AGT: variants seen among roughly 807,000 people sequenced by gnomAD.
AGT encodes the protein alpha-1 antiproteinase, antitrypsin.
AGT carries 26 observed loss-of-function variants against 28.1 expected under a neutral mutation model. The observed-to-expected ratio is 0.92, with a 90% CI of 0.68 to 1.28. AGT has a LOEUF of 1.28. Ranked by LOEUF, AGT falls within the 50% of genes most tolerant of loss-of-function variation. The pLI, the probability that AGT is intolerant of heterozygous loss-of-function variation, is 0.00. For synonymous variants in AGT, 259 were observed against 259.6 expected, an observed-to-expected ratio of 1.00 and a Z score of 0.02; for missense variants, 596 against 592.3, an observed-to-expected ratio of 1.01 and a Z score of -0.06.
chr1:230,732,203 ATT>A (rs1664082195), intron 1 of AGT, among the ~76,000 whole-genome samples: 2 of 152,228 alleles, frequency 1.3e-5, no homozygotes, highest in South Asian at 2.1e-4. Flanking sequence ...GTTTTGCTAT[ATT>A]GCTCAGGCTG....
chr1:230,717,388 C>G (rs1031545456), upstream of AGT, among the ~76,000 whole-genome samples: 3 of 152,112 alleles, frequency 2.0e-5, no homozygotes, highest in Non-Finnish European at 4.4e-5. Flanking sequence ...AACACATAAA[C>G]TCCTCTCTCC....
At chr1:230,717,247 C>T (rs1173745026), upstream of AGT, among the ~76,000 whole-genome samples, 1 of 151,870 alleles carries the variant, frequency 6.6e-6, no homozygotes, top group Non-Finnish European at 1.5e-5. Context: ...ACAGTCTGAT[C>T]TCTCTTTCTT....
At chr1:230,729,146 C>T (rs1405003448) in intron 1 of AGT, among the ~76,000 whole-genome samples, 3 of 152,184 alleles carry the variant, frequency 2.0e-5, no homozygotes, top group Non-Finnish European at 4.4e-5. Flanking sequence ...GCAGTTTCTC[C>T]ACCATCTGCC....
intron 1 of AGT, among the ~76,000 whole-genome samples, chr1:230,721,817 T>C (rs1663848301): frequency 1.3e-5 from 2 of 152,170 alleles, no homozygotes; most frequent in Admixed American, 1.3e-4. Flanking sequence ...TAGGAACTTA[T>C]GTTTAAAAAG....
chr1:230,704,947 T>C (rs1237253059), intron 3 of AGT, among the ~76,000 whole-genome samples: 1 of 152,234 alleles, frequency 6.6e-6, no homozygotes, highest in Non-Finnish European at 1.5e-5. Flanking sequence ...GCAACCCACG[T>C]GTCCATCGAT....
chr1:230,725,529 T>G (rs1193424052), intron 1 of AGT, among the ~76,000 whole-genome samples: 1 of 152,122 alleles, frequency 6.6e-6, no homozygotes, highest in East Asian at 1.9e-4. Flanking sequence ...TGCTCACCAT[T>G]TAATAAGTTT....
At position 230,742,442 on chromosome 1, in the gene AGT, A is replaced by G. The variant is rs189128284; in HGVS notation, c.-31+3073T>C. ...GCAATTCTCCTACCTCTGCCTCCCAAGTAGCTGGGATTACAGGTGCCCACC... is the reference window on the plus strand; with the variant it reads ...GCAATTCTCCTACCTCTGCCTCCCAGGTAGCTGGGATTACAGGTGCCCACC... On this transcript the variant is annotated intron_variant, in intron 1 of 4. Coordinates refer to the AGT transcript ENST00000681269. Among the ~76,000 whole-genome samples, 34 of 152,252 alleles carry G rather than the reference A, an allele frequency of 2.2e-4. No individual in the cohort carries two copies. The East Asian group carries it at 6.4e-3, about 29-fold the overall frequency.
intron 1 of AGT, among the ~76,000 whole-genome samples, chr1:230,724,257 A>C (rs902082796): frequency 6.6e-6 from 1 of 152,334 alleles, no homozygotes; most frequent in East Asian, 1.9e-4. Flanking sequence ...CCCCTAATCT[A>C]TTCTGTTAAC....
rs112767028 is a variant in AGT, at chr1:230,727,450, G to A, written c.-30-16597C>T. 2.5e-3 allele frequency among the ~76,000 whole-genome samples: 385 copies of A among 152,294 alleles called. 4 individuals carry two copies. Among genetic ancestry groups the A allele is most frequent in the African/African-American group, 8.6e-3 (359 of 41,564 alleles). ...CTATCAGACTCAACAAATATTTACT[G>A]AGGACATATAAATAGACTGCAGTTA... On this transcript the variant is annotated intron_variant, in intron 1 of 4. Transcript: ENST00000681269.
intron 1 of AGT, among the ~76,000 whole-genome samples, chr1:230,739,127 G>A (rs1664199167): frequency 6.6e-6 from 1 of 151,620 alleles, no homozygotes; most frequent in African/African-American, 2.4e-5. Context: ...GGAGGCCAAG[G>A]CAGGAGAATC....
rs1479404484 is a variant in AGT, at chr1:230,710,571, T to C, written c.253A>G (p.Lys85Glu). 6.2e-7 allele frequency: 1 copy of C among 1,614,126 alleles called. No individual in the cohort carries two copies. Among genetic ancestry groups the C allele is most frequent in the African/African-American group, 1.3e-5 (1 of 74,950 alleles). ...CTCAACTTGTCTTCGGTGTCAAGTTTTGCAGCGACTAGCACCAGCTGGTCC... is the reference window on the plus strand; with the variant it reads ...CTCAACTTGTCTTCGGTGTCAAGTTCTGCAGCGACTAGCACCAGCTGGTCC... ...LQDQLVLVAA[K>E]LDTEDKLRAA... The change falls in exon 2 of 5, where the codon AAA (lysine) becomes GAA (glutamate). Residue 85 changes from lysine to glutamate, a missense_variant. Lys to Glu is a moderately conservative substitution (Grantham distance 56). Coordinates refer to ENST00000366667, the MANE Select transcript of AGT (RefSeq NM_001384479.1).
At chr1:230,706,605 G>A (rs551878332) in intron 2 of AGT, among the ~76,000 whole-genome samples, 1 of 152,236 alleles carries the variant, frequency 6.6e-6, no homozygotes. Flanking sequence ...TTATTTTTTA[G>A]AGTGACTTTA....
At chr1:230,733,453 G>A (rs1201772531) in intron 1 of AGT, among the ~76,000 whole-genome samples, 1 of 152,136 alleles carries the variant, frequency 6.6e-6, no homozygotes, top group Non-Finnish European at 1.5e-5. Flanking sequence ...GTGCCCATGA[G>A]AAATGCCACA....
chr1:230,734,457 G>T (rs926591417), intron 1 of AGT, among the ~76,000 whole-genome samples: 4 of 152,096 alleles, frequency 2.6e-5, no homozygotes, highest in African/African-American at 9.7e-5. Context: ...AAGAATTGTG[G>T]AGATGGATGG....
chr1:230,705,515 C>G (rs1274808350), intron 3 of AGT, among the ~76,000 whole-genome samples: 1 of 152,154 alleles, frequency 6.6e-6, no homozygotes, highest in Non-Finnish European at 1.5e-5. Flanking sequence ...AAGGCCCCAC[C>G]CCCGCTCACG....
chr1:230,711,492 TA>T (rs1404882189), intron 1 of AGT, among the ~76,000 whole-genome samples: 1 of 152,138 alleles, frequency 6.6e-6, no homozygotes, highest in Non-Finnish European at 1.5e-5. Context: ...CCTGCAGCTG[TA>T]AGTTCTCTTC....
At chr1:230,710,960 A>G in intron 1 of AGT, 107 bp from the exon 2 acceptor site, 5 of 1,382,394 alleles carry the variant, frequency 3.6e-6, no homozygotes, top group Non-Finnish European at 5.0e-6. Context: ...CATTTAGCCC[A>G]GAATAAATCC....
At chr1:230,733,929 G>A (rs540402413) in intron 1 of AGT, among the ~76,000 whole-genome samples, 84 of 152,146 alleles carry the variant, frequency 5.5e-4, no homozygotes, top group African/African-American at 1.8e-3. Flanking sequence ...CCAAGAGGCC[G>A]GGCCCAGATG....
At chr1:230,724,410 C>T (rs564918011) in intron 1 of AGT, among the ~76,000 whole-genome samples, 15 of 152,234 alleles carry the variant, frequency 9.9e-5, no homozygotes, top group African/African-American at 3.6e-4. Context: ...GAAGGGATGA[C>T]TATACTGGGA....
Sources: allele counts gnomAD v4.1 joint callset (sites outside exome capture counted in the v4.1 genomes callset), GRCh38; gene constraint gnomAD v4.1.1; transcripts MANE v1.5; gene names NCBI Gene and HGNC (gene_info 2026-07-23, HGNC 2026-07-21).